The following TOX3 variants were observed in gnomAD, a reference collection of about 807,000 sequenced individuals.
The protein encoded by TOX3 is CAG trinucleotide repeat-containing gene F9 protein.
TOX3 carries 22 observed loss-of-function variants against 64.3 expected under a neutral mutation model. The ratio of observed to expected loss-of-function variants is 0.34; its 90% CI spans 0.24 to 0.49. TOX3 has a LOEUF of 0.49. TOX3 is among the 20% of genes least tolerant of loss of function. The pLI is 0.99. For missense variants in TOX3, 661 were observed against 714.4 expected, an observed-to-expected ratio of 0.93 and a Z score of 0.85; for synonymous variants, 291 against 273.6, an observed-to-expected ratio of 1.06 and a Z score of -0.63.
intron 1 of TOX3, among the ~76,000 whole-genome samples, chr16:52,480,463 T>C (rs1207137291): frequency 6.6e-6 from 1 of 152,198 alleles, no homozygotes; most frequent in East Asian, 1.9e-4. Flanking sequence ...ATGACATATT[T>C]ACACTGGACA....
intron 3 of TOX3, among the ~76,000 whole-genome samples, chr16:52,453,733 C>T (rs1960431131): frequency 6.6e-6 from 1 of 152,150 alleles, no homozygotes; most frequent in South Asian, 2.1e-4. Context: ...GATTGACTCA[C>T]CCCACACCTA....
rs768287537 is a variant in TOX3, at chr16:52,477,507, G to A, written c.88-8933C>T. Among the ~76,000 whole-genome samples, 19 of 152,222 alleles carry A rather than the reference G, an allele frequency of 1.2e-4. No homozygotes were observed. In the East Asian group the frequency reaches 1.5e-3, roughly 12 times the overall value. ...GCAGGAGGTTGAAAGTGTCTAGACC[G>A]GGCAGAGGCAACAGTAGGGAGAACA... On this transcript the variant is annotated intron_variant, in intron 1 of 6. Coordinates refer to ENST00000219746, the MANE Select transcript of TOX3 (RefSeq NM_001080430.4).
chr16:52,546,591 G>A (rs1458439908), intron 1 of TOX3, 46 bp downstream of exon 1: 2 of 1,511,124 alleles, frequency 1.3e-6, no homozygotes, highest in African/African-American at 2.8e-5. Flanking sequence ...CGCCCAGGAT[G>A]GGGAGGTGGC....
intron 5 of TOX3, 90 bp downstream of exon 5, chr16:52,445,904 A>T: frequency 1.7e-6 from 2 of 1,195,190 alleles, no homozygotes; most frequent in Non-Finnish European, 2.4e-6. Flanking sequence ...CAATCATATT[A>T]AGTGAACACA....
chr16:52,513,503 T>G (rs913686229), intron 1 of TOX3, among the ~76,000 whole-genome samples: 1 of 152,186 alleles, frequency 6.6e-6, no homozygotes, highest in Non-Finnish European at 1.5e-5. Context: ...CACTAAAACC[T>G]AAAGTCTCCT....
At chr16:52,455,654 A>C (rs1327982162) in intron 3 of TOX3, among the ~76,000 whole-genome samples, 1 of 152,200 alleles carries the variant, frequency 6.6e-6, no homozygotes, top group Non-Finnish European at 1.5e-5. Flanking sequence ...TCAATAGGAA[A>C]GGCCTCTCAA....
intron 4 of TOX3, among the ~76,000 whole-genome samples, chr16:52,447,359 A>C (rs554150214): frequency 1.3e-5 from 2 of 152,318 alleles, no homozygotes; most frequent in Non-Finnish European, 2.9e-5. Flanking sequence ...TTCTAATTCA[A>C]ATTTTCCTAG....
At chr16:52,484,015 C>T (rs1961440674) in intron 1 of TOX3, among the ~76,000 whole-genome samples, 1 of 152,072 alleles carries the variant, frequency 6.6e-6, no homozygotes, top group South Asian at 2.1e-4. Context: ...TCATACTAGC[C>T]TTGAGAAATT....
intron 1 of TOX3, among the ~76,000 whole-genome samples, chr16:52,480,513 A>G (rs1961341652): frequency 1.3e-5 from 2 of 152,214 alleles, no homozygotes; most frequent in South Asian, 2.1e-4. Flanking sequence ...TTGCACAACC[A>G]TATGAAACTT....
chr16:52,490,459 A>G (rs968861048), intron 1 of TOX3, among the ~76,000 whole-genome samples: 1 of 152,114 alleles, frequency 6.6e-6, no homozygotes, highest in African/African-American at 2.4e-5. Context: ...GTTTAAAATA[A>G]TGGAAAATAC....
At chr16:52,500,329 C>T (rs1407834288) in intron 1 of TOX3, among the ~76,000 whole-genome samples, 1 of 152,164 alleles carries the variant, frequency 6.6e-6, no homozygotes, top group Non-Finnish European at 1.5e-5. Flanking sequence ...ATCATCTTAG[C>T]CTAGGCCTTA....
At chr16:52,513,530 A>G (rs1962367679) in intron 1 of TOX3, among the ~76,000 whole-genome samples, 1 of 152,230 alleles carries the variant, frequency 6.6e-6, no homozygotes, top group African/African-American at 2.4e-5. Flanking sequence ...AACATGGGAT[A>G]ATATATGCAT....
intron 1 of TOX3, among the ~76,000 whole-genome samples, chr16:52,538,355 A>G (rs987080018): frequency 6.6e-6 from 1 of 152,186 alleles, no homozygotes; most frequent in Admixed American, 6.5e-5. Context: ...TTTTAAAGAA[A>G]CTGTAGAATT....
At chr16:52,444,411 A>T in intron 5 of TOX3, 55 bp from the exon 6 acceptor site, 1 of 1,401,212 alleles carries the variant, frequency 7.1e-7, no homozygotes, top group Non-Finnish European at 9.8e-7. Context: ...TCAGCTATAA[A>T]ATAGCTGCTG....
intron 1 of TOX3, among the ~76,000 whole-genome samples, chr16:52,504,263 G>C (rs1313674060): frequency 6.6e-6 from 1 of 151,902 alleles, no homozygotes; most frequent in African/African-American, 2.4e-5. Flanking sequence ...TCAGGAGATC[G>C]AGACCATCCT....
At chr16:52,539,424 C>A (rs1489980068) in intron 1 of TOX3, among the ~76,000 whole-genome samples, 1 of 152,230 alleles carries the variant, frequency 6.6e-6, no homozygotes, top group Non-Finnish European at 1.5e-5. Flanking sequence ...CATGCAAACA[C>A]ACACATAAGC....
At chr16:52,539,833 A>T (rs1032119392) in intron 1 of TOX3, among the ~76,000 whole-genome samples, 2 of 152,016 alleles carry the variant, frequency 1.3e-5, no homozygotes, top group African/African-American at 4.8e-5. Flanking sequence ...CCAGGCCCCA[A>T]ATTCAAACAC....
chr16:52,485,244 G>GTATATATA (rs761645024), intron 1 of TOX3, among the ~76,000 whole-genome samples: 87 of 95,314 alleles, frequency 9.1e-4, no homozygotes, highest in African/African-American at 4.3e-3. Context: ...GTATGTGTGT[G>GTATATATA]TGTATATATA....
intron 1 of TOX3, among the ~76,000 whole-genome samples, chr16:52,476,273 A>G (rs1314215869): frequency 6.6e-6 from 1 of 152,194 alleles, no homozygotes; most frequent in South Asian, 2.1e-4. Context: ...ATGCCTAAAC[A>G]TATGGACTCT....
Sources: gnomAD v4.1 joint callset for allele counts (sites outside exome capture counted in the v4.1 genomes callset) on GRCh38, gnomAD v4.1.1 for gene constraint, MANE v1.5 for transcripts, NCBI Gene and HGNC (gene_info 2026-07-23, HGNC 2026-07-21) for gene names.